SORCS3: variants seen among roughly 807,000 people sequenced by gnomAD.
The protein encoded by SORCS3 is VPS10 domain-containing receptor SorCS3.
In SORCS3, 57 loss-of-function variants were observed where a neutral mutation model predicts 146.3. That is an observed-to-expected ratio of 0.39 (90% CI 0.31 to 0.49). The LOEUF is 0.49. Among genes scored for constraint, SORCS3 ranks in the 20% least tolerant of loss-of-function variants. The probability of loss-of-function intolerance (pLI) is 0.92; values close to 1 mark genes in which losing one functional copy is unlikely to be tolerated. For missense variants in SORCS3, 1,341 were observed against 1,575.5 expected (o/e 0.85, Z 2.52); for synonymous variants, 653 against 618.5 (o/e 1.06, Z -0.83).
chr10:104,975,260 C>A (rs1181612138), intron 3 of SORCS3, among the ~76,000 whole-genome samples: 1 of 152,016 alleles, frequency 6.6e-6, no homozygotes, highest in Non-Finnish European at 1.5e-5. Flanking sequence ...TTCTTATACA[C>A]CAATAACAGA....
At chr10:104,716,764 C>T (rs2016484395) in intron 1 of SORCS3, among the ~76,000 whole-genome samples, 1 of 152,098 alleles carries the variant, frequency 6.6e-6, no homozygotes, top group Non-Finnish European at 1.5e-5. Context: ...GTTTCTTTAT[C>T]TCCTGCAAGT....
intron 2 of SORCS3, among the ~76,000 whole-genome samples, chr10:104,850,574 A>T (rs1344493630): frequency 6.6e-6 from 1 of 152,054 alleles, no homozygotes; most frequent in Non-Finnish European, 1.5e-5. Flanking sequence ...ACAAAGTGAG[A>T]CCCTGTCTCA....
chr10:104,804,498 G>A (rs2017660461), intron 1 of SORCS3, among the ~76,000 whole-genome samples: 1 of 152,120 alleles, frequency 6.6e-6, no homozygotes, highest in African/African-American at 2.4e-5. Flanking sequence ...ATTCTTCACA[G>A]TAGTCCTGGG....
At chr10:104,830,968 T>A (rs2017994233) in intron 1 of SORCS3, among the ~76,000 whole-genome samples, 1 of 152,024 alleles carries the variant, frequency 6.6e-6, no homozygotes, top group South Asian at 2.1e-4. Context: ...TGTGCCACCA[T>A]GCCCAGCTAA....
intron 4 of SORCS3, among the ~76,000 whole-genome samples, chr10:105,020,403 C>T (rs1438947932): frequency 6.6e-6 from 1 of 152,188 alleles, no homozygotes; most frequent in Non-Finnish European, 1.5e-5. Context: ...CATCTATTCA[C>T]AGTTTGCATC....
intron 1 of SORCS3, among the ~76,000 whole-genome samples, chr10:104,798,405 A>G (rs1296361718): frequency 6.6e-6 from 1 of 152,186 alleles, no homozygotes; most frequent in Non-Finnish European, 1.5e-5. Context: ...TATAAACCCC[A>G]TATTTCTCAA....
At chr10:104,946,207 G>T (rs2019369426) in intron 3 of SORCS3, among the ~76,000 whole-genome samples, 1 of 151,778 alleles carries the variant, frequency 6.6e-6, no homozygotes, top group South Asian at 2.1e-4. Context: ...ATAAGGAGGG[G>T]ATGTAAGGCT....
At chr10:104,686,615 TTC>T (rs1050877301) in intron 1 of SORCS3, among the ~76,000 whole-genome samples, 15 of 152,070 alleles carry the variant, frequency 9.9e-5, no homozygotes, top group African/African-American at 3.4e-4. Context: ...CACACAAGTC[TTC>T]TCTCTCCCCC....
intron 6 of SORCS3, among the ~76,000 whole-genome samples, chr10:105,094,826 T>C (rs1226789867): frequency 6.6e-6 from 1 of 152,150 alleles, no homozygotes; most frequent in Non-Finnish European, 1.5e-5. Flanking sequence ...ACTTGCAAGT[T>C]CCCAGAATCA....
chr10:105,147,111 A>C (rs1164025161), intron 8 of SORCS3, among the ~76,000 whole-genome samples: 2 of 152,182 alleles, frequency 1.3e-5, no homozygotes, highest in Non-Finnish European at 2.9e-5. Flanking sequence ...GCTCTGATTG[A>C]AACAGGATTG....
chr10:104,973,851 C>G (rs924904791), intron 3 of SORCS3, among the ~76,000 whole-genome samples: 5 of 148,332 alleles, frequency 3.4e-5, no homozygotes, highest in Non-Finnish European at 7.4e-5. Context: ...AAATTTCCCT[C>G]TACACACTGC....
At chr10:104,911,348 G>T (rs976345237) in intron 2 of SORCS3, among the ~76,000 whole-genome samples, 1 of 152,244 alleles carries the variant, frequency 6.6e-6, no homozygotes, top group African/African-American at 2.4e-5. Flanking sequence ...GCATGGAGGA[G>T]ACTGAGACAT....
chr10:105,137,323 T>C lies in SORCS3; in HGVS notation c.1213-2074T>C, dbSNP rs2056065577. ...AAGCATATGATAGGTGACCAGATGA[T>C]ATATTTTGGGAGTATAAAAGCTTTG... On this transcript the variant is annotated intron_variant, in intron 7 of 26. Coordinates refer to ENST00000369701, the MANE Select transcript of SORCS3 (RefSeq NM_014978.3). Among the ~76,000 whole-genome samples the C allele has an allele frequency of 2.0e-5, 3 of 152,226 alleles. No individual in the cohort carries two copies. In the South Asian group the frequency reaches 6.2e-4, roughly 32 times the overall value.
At chr10:104,865,319 C>G (rs996321709) in intron 2 of SORCS3, among the ~76,000 whole-genome samples, 1 of 152,126 alleles carries the variant, frequency 6.6e-6, no homozygotes, top group Non-Finnish European at 1.5e-5. Flanking sequence ...TAGGAGGACT[C>G]GAGATGTTCA....
chr10:105,252,717 A>G (rs986953600), intron 22 of SORCS3, 58 bp from the exon 23 acceptor site: 16 of 1,608,310 alleles, frequency 9.9e-6, no homozygotes, highest in Non-Finnish European at 1.4e-5. Flanking sequence ...TGCTCTTGTC[A>G]TTGATTTGGG....
At chr10:104,642,019 T>TGGG in intron 1 of SORCS3, 65 bp downstream of exon 1, 1 of 96,394 alleles carries the variant, frequency 1.0e-5, no homozygotes. Context: ...GGGGGGTGGG[T>TGGG]GGGAGCGAGG....
chr10:104,943,377 C>T (rs1262602403), intron 3 of SORCS3, among the ~76,000 whole-genome samples: 11 of 152,274 alleles, frequency 7.2e-5, no homozygotes, highest in Admixed American at 1.3e-4. Flanking sequence ...CCACCTGCCT[C>T]GGTCTCCCAA....
chr10:104,909,670 G>A (rs767521413), intron 2 of SORCS3, among the ~76,000 whole-genome samples: 5 of 152,106 alleles, frequency 3.3e-5, no homozygotes, highest in African/African-American at 4.8e-5. Context: ...AGATGGCCCC[G>A]TGAGAGCTGG....
chr10:104,691,156 G>A (rs2016106735), intron 1 of SORCS3, among the ~76,000 whole-genome samples: 1 of 152,184 alleles, frequency 6.6e-6, no homozygotes, highest in Non-Finnish European at 1.5e-5. Flanking sequence ...AAGAGCTCTA[G>A]CACCATGGTG....
Sources: allele counts gnomAD v4.1 joint callset (sites outside exome capture counted in the v4.1 genomes callset), GRCh38; gene constraint gnomAD v4.1.1; transcripts MANE v1.5; gene names NCBI Gene and HGNC (gene_info 2026-07-23, HGNC 2026-07-21).